EIF4A3: variants seen among roughly 807,000 people sequenced by gnomAD.
EIF4A3 encodes eukaryotic translation initiation factor 4A3.
In EIF4A3, 1 loss-of-function variant was observed where a neutral mutation model predicts 55.6. The ratio of observed to expected loss-of-function variants is 0.02; its 90% CI spans 0.01 to 0.09. EIF4A3 has a LOEUF of 0.09. Among genes scored for constraint, EIF4A3 ranks in the 10% least tolerant of loss-of-function variants. The probability of loss-of-function intolerance (pLI) is 1.00; values close to 1 mark genes in which losing one functional copy is unlikely to be tolerated. For missense variants in EIF4A3, 221 were observed against 540.7 expected (o/e 0.41, Z 5.86); for synonymous variants, 194 against 196.3 (o/e 0.99, Z 0.10).
At chr17:80,142,085 C>CT (rs764518015) in intron 2 of EIF4A3, among the ~76,000 whole-genome samples, 21 of 152,342 alleles carry the variant, frequency 1.4e-4, no homozygotes, top group Non-Finnish European at 1.5e-4. Context: ...CACAGACTCT[C>CT]TAACTTCAAG....
intron 11 of EIF4A3, 129 bp from the exon 12 acceptor site, chr17:80,135,635 C>A: frequency 1.0e-5 from 8 of 802,976 alleles, no homozygotes; most frequent in Non-Finnish European, 1.6e-5. Flanking sequence ...GTGGCTCACG[C>A]CTGTAATCCC....
intron 1 of EIF4A3, among the ~76,000 whole-genome samples, chr17:80,144,602 T>C (rs1455266570): frequency 2.0e-5 from 3 of 152,224 alleles, no homozygotes; most frequent in Non-Finnish European, 4.4e-5. Context: ...GGAAAGAAAC[T>C]TACTTTTTAC....
Position 80,139,642 on chromosome 17 carries a change from A to G in EIF4A3, c.586+28T>C, listed in dbSNP as rs376945041. ...TTTAAGAACTAAGAATTATGTCAGT[A>G]GAAGAGTAATTCTTTTGTTGCTCAT... On this transcript the variant is annotated intron_variant, in intron 6 of 11. Coordinates refer to ENST00000649764, the MANE Select transcript of EIF4A3 (RefSeq NM_014740.4). 7.4e-5 allele frequency: 118 copies of G among 1,587,658 alleles called. 1 individual carries two copies. Among genetic ancestry groups the G allele is most frequent in the Non-Finnish European group, 9.5e-5 (110 of 1,159,322 alleles).
chr17:80,143,027 A>G (rs568872897), intron 2 of EIF4A3, among the ~76,000 whole-genome samples: 1 of 152,238 alleles, frequency 6.6e-6, no homozygotes, highest in African/African-American at 2.4e-5. Context: ...CCTGTCTCGA[A>G]AAATGTAAAA....
At chr17:80,138,622 G>A in intron 7 of EIF4A3, 1 of 336,450 alleles carries the variant, frequency 3.0e-6, no homozygotes. Context: ...TTTGAGACAG[G>A]GTCTTGCTCT....
At chr17:80,138,532 A>AAG in intron 7 of EIF4A3, 1 of 423,162 alleles carries the variant, frequency 2.4e-6, no homozygotes, top group South Asian at 4.0e-5. Context: ...CTGATAAATA[A>AAG]ATAGTCACCT....
chr17:80,147,013 C>T lies in EIF4A3; in HGVS notation c.-52G>A, dbSNP rs1200612932. On this transcript the variant is annotated 5_prime_UTR_variant, in exon 1 of 12. Coordinates refer to ENST00000649764, the MANE Select transcript of EIF4A3 (RefSeq NM_014740.4). ...CGCGCGCCGCTGCCGACCTCGCTGCCGCTGCCGACCTCGCTGTGCCGCTGC... is the reference window on the plus strand; with the variant it reads ...CGCGCGCCGCTGCCGACCTCGCTGCTGCTGCCGACCTCGCTGTGCCGCTGC... 2 of 1,409,656 alleles carry T rather than the reference C, an allele frequency of 1.4e-6. No individual in the cohort carries two copies. The highest frequency in any genetic ancestry group is 1.4e-5 in the South Asian group (1 of 71,812). The allele number at this position is 1,409,656 out of a possible 1,614,324, so 87.3% of individuals were successfully genotyped here.
chr17:80,146,682 A>G, intron 1 of EIF4A3, 111 bp downstream of exon 1: 1 of 1,338,740 alleles, frequency 7.5e-7, no homozygotes, highest in South Asian at 1.5e-5. Flanking sequence ...CTCGACCCTG[A>G]CCACGACCTC....
In EIF4A3 at chr17:80,138,815, G is replaced by GT. The variant is rs1270462588; in HGVS notation, c.728+205dup. The GT allele has an allele frequency of 4.5e-5, 30 of 668,024 alleles. No homozygotes were observed. In the East Asian group the frequency reaches 8.6e-4, roughly 19 times the overall value. 41.4% of individuals were successfully genotyped at this position (668,024 alleles called of 1,614,324 possible). A position where few individuals can be genotyped will look rare whatever the true frequency, so the allele number is the denominator to read the frequency against. On this transcript the variant is annotated intron_variant, in intron 7 of 11. Coordinates refer to ENST00000649764, the MANE Select transcript of EIF4A3 (RefSeq NM_014740.4). ...CTCTATATGTTGCCCAGCCTATTTG[G>GT]TTTTTTAAAACAGGAATTTTAAAAG...
Position 80,136,148 on chromosome 17 carries a change from A to G in EIF4A3, c.1092-17T>C, listed in dbSNP as rs760456770. 3.1e-6 allele frequency: 5 copies of G among 1,613,418 alleles called. No individual in the cohort carries two copies. The highest frequency in any genetic ancestry group is 3.4e-6 in the Non-Finnish European group (4 of 1,179,962). ...CTCCCAATTCTTCAGGAATAAAATA[A>G]TATTACAGTTAGTATATATAACAAT... On this transcript the variant is annotated splice_polypyrimidine_tract_variant and intron_variant, in intron 10 of 11. Coordinates refer to ENST00000649764, the MANE Select transcript of EIF4A3 (RefSeq NM_014740.4).
At position 80,137,370 on chromosome 17, in the gene EIF4A3, A is replaced by G; in HGVS notation, c.983+16T>C. The G allele has an allele frequency of 6.2e-7, 1 of 1,609,788 alleles. No homozygotes were observed. The highest frequency in any genetic ancestry group is 1.7e-5 in the Admixed American group (1 of 59,870). The stretch of plus-strand genomic sequence containing the variant: ...AGCAAACCCTGACCTGCAGAGCCAC[A>G]GCATAGCAGACCCACCTGGCGCCCG... On this transcript the variant is annotated intron_variant, in intron 9 of 11. Coordinates refer to ENST00000649764, the MANE Select transcript of EIF4A3 (RefSeq NM_014740.4).
intron 1 of EIF4A3, 88 bp from the exon 2 acceptor site, chr17:80,144,332 G>A: frequency 3.9e-6 from 5 of 1,296,250 alleles, no homozygotes; most frequent in Middle Eastern, 1.8e-4. Flanking sequence ...GACATGGTTT[G>A]TTTTTTGAAC....
chr17:80,139,337 C>T, intron 6 of EIF4A3, 175 bp from the exon 7 acceptor site: 2 of 796,354 alleles, frequency 2.5e-6, no homozygotes, highest in South Asian at 1.9e-5. Flanking sequence ...CGTCCCTACT[C>T]CCCGCCCACC....
intron 2 of EIF4A3, among the ~76,000 whole-genome samples, chr17:80,142,950 G>T (rs1317986675): frequency 6.6e-6 from 1 of 152,098 alleles, no homozygotes; most frequent in Non-Finnish European, 1.5e-5. Flanking sequence ...GAGGTGGGAG[G>T]ATCGCTTGAG....
rs969249628 is a variant in EIF4A3, at chr17:80,134,933, C to T, written c.*557G>A. Among the ~76,000 whole-genome samples, 6 of 152,080 alleles carry T rather than the reference C, an allele frequency of 3.9e-5. No homozygotes were observed. In the East Asian group the frequency reaches 7.7e-4, roughly 20 times the overall value. On this transcript the variant is annotated 3_prime_UTR_variant, in exon 12 of 12. Coordinates refer to ENST00000649764, the MANE Select transcript of EIF4A3 (RefSeq NM_014740.4). ...TTGGGAGGCCGAGGTGGGTGGATCA[C>T]GAGGTCAGGAGATCGAGACCATCTT...
chr17:80,141,189 A>T lies in EIF4A3; in HGVS notation c.372+130T>A, dbSNP rs2039615484. 3.2e-6 allele frequency: 3 copies of T among 951,288 alleles called. No individual in the cohort carries two copies. In the Admixed American group the frequency reaches 7.5e-5, roughly 24 times the overall value. 58.9% of individuals were successfully genotyped at this position (951,288 alleles called of 1,614,324 possible). A position where few individuals can be genotyped will look rare whatever the true frequency, so the allele number is the denominator to read the frequency against. ...AATTTATATAATGATTAATGGCAAAATGTTAATCAGGAAGAAAATTTTGAG... is the reference window on the plus strand; with the variant it reads ...AATTTATATAATGATTAATGGCAAATTGTTAATCAGGAAGAAAATTTTGAG... On this transcript the variant is annotated intron_variant, in intron 4 of 11. Transcript: ENST00000649764.
intron 3 of EIF4A3, 194 bp from the exon 4 acceptor site, chr17:80,141,575 G>A: frequency 1.4e-6 from 1 of 736,080 alleles, no homozygotes. Flanking sequence ...CTCGTCTGCA[G>A]ACAAGAGCTT....
In EIF4A3 at chr17:80,147,128, T is replaced by G. The variant is rs1033507879; in HGVS notation, c.-167A>C. ...CGCTGTGCCGCTGCCGACCTCGCTG[T>G]GCCGCTGCCGAGAACAGACGCCTTA... On this transcript the variant is annotated 5_prime_UTR_variant, in exon 1 of 12. Coordinates refer to ENST00000649764, the MANE Select transcript of EIF4A3 (RefSeq NM_014740.4). 1.1e-6 allele frequency: 1 copy of G among 936,764 alleles called. No homozygotes were observed. The highest frequency in any genetic ancestry group is 1.8e-5 in the African/African-American group (1 of 56,756). 58.0% of individuals were successfully genotyped at this position (936,764 alleles called of 1,614,324 possible). A position where few individuals can be genotyped will look rare whatever the true frequency, so the allele number is the denominator to read the frequency against.
intron 8 of EIF4A3, 62 bp from the exon 9 acceptor site, chr17:80,137,563 G>T: frequency 7.6e-7 from 1 of 1,321,162 alleles, no homozygotes; most frequent in East Asian, 2.4e-5. Context: ...ATGTGCATTC[G>T]GGACTTTACC....
Sources: gnomAD v4.1 joint callset for allele counts (sites outside exome capture counted in the v4.1 genomes callset) on GRCh38, gnomAD v4.1.1 for gene constraint, MANE v1.5 for transcripts, NCBI Gene and HGNC (gene_info 2026-07-23, HGNC 2026-07-21) for gene names.